FAM78B: variants seen among roughly 807,000 people sequenced by gnomAD.
FAM78B encodes the protein protein FAM78B.
In FAM78B, 10 loss-of-function variants were observed where a neutral mutation model predicts 20.0. That is an observed-to-expected ratio of 0.50 (90% CI 0.31 to 0.85). FAM78B has a LOEUF of 0.85. FAM78B is among the 40% of genes least tolerant of loss of function. FAM78B has a pLI of 0.05. For synonymous variants in FAM78B, 135 were observed against 132.8 expected, an observed-to-expected ratio of 1.02 and a Z score of -0.12; for missense variants, 283 against 345.0, an observed-to-expected ratio of 0.82 and a Z score of 1.42.
chr1:166,166,079 A>G lies in FAM78B; in HGVS notation c.170T>C (p.Met57Thr). 2.5e-6 allele frequency: 4 copies of G among 1,613,764 alleles called. No homozygotes were observed. Among genetic ancestry groups the G allele is most frequent in the Non-Finnish European group, 3.4e-6 (4 of 1,179,908 alleles). ...PYFKASARVV[M>T]PPIPRHETWV... ...GGTCTCGTGGCGGGGGATGGGGGGCATGACCACGCGGGCGGAGGCTTTGAA... is the reference window on the plus strand; with the variant it reads ...GGTCTCGTGGCGGGGGATGGGGGGCGTGACCACGCGGGCGGAGGCTTTGAA... Residue 57 changes from methionine (M) to threonine (T), a missense_variant, in exon 1 of 2, where the codon ATG becomes ACG. Physicochemically the swap from Met to Thr is moderately conservative, Grantham distance 81. Coordinates refer to ENST00000354422, the MANE Select transcript of FAM78B (RefSeq NM_001017961.5).
chr1:166,150,743 C>G (rs1385708267), intron 1 of FAM78B, among the ~76,000 whole-genome samples: 1 of 152,096 alleles, frequency 6.6e-6, no homozygotes, highest in East Asian at 1.9e-4. Flanking sequence ...TACAATACAA[C>G]TAGCAAATGG....
At chr1:166,105,689 T>G (rs1295122881) in intron 1 of FAM78B, among the ~76,000 whole-genome samples, 6 of 152,042 alleles carry the variant, frequency 3.9e-5, no homozygotes, top group African/African-American at 1.4e-4. Context: ...TGGTGATCAT[T>G]AAAAAGTCAG....
chr1:166,061,952 G>C (rs1226027594), intron 2 of FAM78B, among the ~76,000 whole-genome samples: 1 of 152,158 alleles, frequency 6.6e-6, no homozygotes, highest in East Asian at 1.9e-4. Flanking sequence ...TCACCACAAT[G>C]ACTGCTTTAT....
intron 1 of FAM78B, among the ~76,000 whole-genome samples, chr1:166,102,647 A>G (rs1653575724): frequency 6.6e-6 from 1 of 152,254 alleles, no homozygotes; most frequent in Admixed American, 6.5e-5. Flanking sequence ...CAATTCAACA[A>G]GAAGAGCTAA....
chr1:166,158,400 G>A (rs901321909), intron 1 of FAM78B, among the ~76,000 whole-genome samples: 3 of 152,202 alleles, frequency 2.0e-5, no homozygotes, highest in Non-Finnish European at 4.4e-5. Flanking sequence ...CTAGACTCCT[G>A]GCACGGCTCC....
intron 1 of FAM78B, chr1:166,165,048 C>A (rs1203312373): frequency 6.6e-6 from 1 of 152,168 alleles, no homozygotes; most frequent in Non-Finnish European, 1.5e-5. Flanking sequence ...TAGCCTGCGG[C>A]CCCTGGCGGT....
intron 1 of FAM78B, among the ~76,000 whole-genome samples, chr1:166,135,496 C>G (rs1655035783): frequency 6.6e-6 from 1 of 152,198 alleles, no homozygotes; most frequent in Admixed American, 6.5e-5. Context: ...AAGCGTGTAT[C>G]ATGTATTGCT....
chr1:166,135,849 T>A (rs1655046654), intron 1 of FAM78B, among the ~76,000 whole-genome samples: 1 of 152,224 alleles, frequency 6.6e-6, no homozygotes, highest in African/African-American at 2.4e-5. Context: ...AATAGTCACA[T>A]TCTGTGTGTG....
intron 1 of FAM78B, among the ~76,000 whole-genome samples, chr1:166,073,414 T>C (rs1652129310): frequency 6.6e-6 from 1 of 151,982 alleles, no homozygotes; most frequent in Admixed American, 6.6e-5. Flanking sequence ...GAATAGGGAG[T>C]TGCTATCTGA....
At chr1:166,093,710 G>A (rs1031199936) in intron 1 of FAM78B, among the ~76,000 whole-genome samples, 3 of 151,906 alleles carry the variant, frequency 2.0e-5, no homozygotes, top group Non-Finnish European at 4.4e-5. Flanking sequence ...GGCTTCTCCA[G>A]GGCCTGTAAA....
intron 1 of FAM78B, among the ~76,000 whole-genome samples, chr1:166,114,844 C>A (rs1264165678): frequency 1.3e-5 from 2 of 152,194 alleles, no homozygotes; most frequent in Non-Finnish European, 2.9e-5. Context: ...ACCATGGCCA[C>A]CCTGGCAAAC....
intron 1 of FAM78B, among the ~76,000 whole-genome samples, chr1:166,150,948 A>C (rs1389427663): frequency 6.6e-6 from 1 of 152,082 alleles, no homozygotes; most frequent in African/African-American, 2.4e-5. Flanking sequence ...AAAAAAATTA[A>C]AATATATAAT....
At chr1:166,072,776 T>G (rs1285920683) in intron 1 of FAM78B, among the ~76,000 whole-genome samples, 2 of 152,232 alleles carry the variant, frequency 1.3e-5, no homozygotes, top group African/African-American at 4.8e-5. Context: ...TGGCAGACTG[T>G]TCTTGCTCTC....
Position 166,062,710 on chromosome 1 carries a change from G to A in FAM78B, c.*410-2047C>T, listed in dbSNP as rs192014117. Among the ~76,000 whole-genome samples, 18 of 152,290 alleles carry A rather than the reference G, an allele frequency of 1.2e-4. No homozygotes were observed. The East Asian group carries it at 3.5e-3, about 29-fold the overall frequency. On this transcript the variant is annotated intron_variant and NMD_transcript_variant, in intron 2 of 2. Coordinates refer to the FAM78B transcript ENST00000435676. ...GAAGTAATAGCTTTCCATAGTTTCT[G>A]GTACGTGAGGGAGTGAAGTGGGAAA...
chr1:166,094,003 CTG>C (rs58213930), intron 1 of FAM78B, among the ~76,000 whole-genome samples: 10,487 of 124,994 alleles, frequency 0.084, 520 homozygotes, highest in Admixed American at 0.18. Flanking sequence ...TTGCGAATGA[CTG>C]TGTGTGTGTG....
Position 166,085,098 on chromosome 1 carries a change from C to T in FAM78B, c.264-14335G>A, listed in dbSNP as rs949870170. On this transcript the variant is annotated intron_variant, in intron 1 of 1. Coordinates refer to ENST00000354422, the MANE Select transcript of FAM78B (RefSeq NM_001017961.5). ...TGGAAGAGAAGCTCTTGGGGCCCTC[C>T]GCCATTTACCCTGTCTTGGTTAACT... 8.5e-5 allele frequency among the ~76,000 whole-genome samples: 13 copies of T among 152,308 alleles called. No homozygotes were observed. The South Asian group carries it at 1.0e-3, about 12-fold the overall frequency.
chr1:166,134,216 A>G (rs1045258712), intron 1 of FAM78B, among the ~76,000 whole-genome samples: 1 of 83,360 alleles, frequency 1.2e-5, no homozygotes, highest in Non-Finnish European at 2.3e-5. Flanking sequence ...CCCCGACCCC[A>G]CTATTCTTTT....
At chr1:166,134,210 G>T (rs910001051) in intron 1 of FAM78B, among the ~76,000 whole-genome samples, 1 of 81,636 alleles carries the variant, frequency 1.2e-5, no homozygotes, top group Non-Finnish European at 2.4e-5. Context: ...TCCCACCCCC[G>T]ACCCCACTAT....
At chr1:166,100,965 A>G (rs1653489121) in intron 1 of FAM78B, among the ~76,000 whole-genome samples, 1 of 152,230 alleles carries the variant, frequency 6.6e-6, no homozygotes, top group South Asian at 2.1e-4. Context: ...CTGACACCTC[A>G]CATGGCCAGG....
Sources: allele counts gnomAD v4.1 joint callset (sites outside exome capture counted in the v4.1 genomes callset), GRCh38; gene constraint gnomAD v4.1.1; transcripts MANE v1.5; gene names NCBI Gene and HGNC (gene_info 2026-07-23, HGNC 2026-07-21).